Variants in DNAH3 observed in about 807,000 individuals in gnomAD.
DNAH3 encodes dynein axonemal heavy chain 3.
A neutral mutation model predicts 432.5 loss-of-function variants in DNAH3; 332 were observed. That is an observed-to-expected ratio of 0.77 (90% confidence interval 0.70 to 0.84). DNAH3 has a LOEUF of 0.84. DNAH3 is among the 40% of genes least tolerant of loss of function. The pLI, the probability that DNAH3 is intolerant of heterozygous loss-of-function variation, is 0.00. For synonymous variants in DNAH3, 1,956 were observed against 1,900.2 expected (o/e 1.03, Z -0.76); for missense variants, 4,861 against 5,114.0 (o/e 0.95, Z 1.51).
intron 56 of DNAH3, among the ~76,000 whole-genome samples, chr16:20,951,629 A>G (rs1295602076): frequency 6.6e-6 from 1 of 150,948 alleles, no homozygotes; most frequent in African/African-American, 2.4e-5. Flanking sequence ...TTTTTTGTAG[A>G]GATGGGATTT....
At chr16:20,942,074 A>C (rs1256538750) in intron 58 of DNAH3, among the ~76,000 whole-genome samples, 1 of 151,698 alleles carries the variant, frequency 6.6e-6, no homozygotes, top group African/African-American at 2.4e-5. Flanking sequence ...AAAGTTAAAA[A>C]AAAAAAAAAA....
At chr16:21,044,855 C>T (rs1382528855) in intron 31 of DNAH3, among the ~76,000 whole-genome samples, 1 of 116,720 alleles carries the variant, frequency 8.6e-6, no homozygotes, top group South Asian at 3.4e-4. Flanking sequence ...CCCATCAATA[C>T]CTAATTTATT....
At chr16:21,049,658 C>A in exon 31 of DNAH3, 1 of 1,614,204 alleles carries the variant, frequency 6.2e-7, no homozygotes, top group African/African-American at 1.3e-5. Flanking sequence ...TAATCCAAAC[C>A]ATCGGAGCAG....
intron 2 of DNAH3, among the ~76,000 whole-genome samples, chr16:21,145,765 C>T (rs1322314357): frequency 3.9e-5 from 6 of 152,170 alleles, no homozygotes; most frequent in Admixed American, 2.0e-4. Context: ...GATCAGTGGA[C>T]GGCCAGATTC....
chr16:21,016,865 C>T (rs1259995963), intron 41 of DNAH3, among the ~76,000 whole-genome samples: 6 of 152,240 alleles, frequency 3.9e-5, no homozygotes, highest in Non-Finnish European at 8.8e-5. Context: ...CATGGATGAA[C>T]GCCGAAGACA....
chr16:21,075,938 AAAG>A (rs1188315527), intron 20 of DNAH3, among the ~76,000 whole-genome samples: 11 of 150,736 alleles, frequency 7.3e-5, no homozygotes, highest in African/African-American at 2.4e-4. Flanking sequence ...AAAAAAAAAA[AAAG>A]GGAGGAATTT....
intron 43 of DNAH3, among the ~76,000 whole-genome samples, chr16:20,998,511 C>A (rs945792353): frequency 6.6e-6 from 1 of 152,110 alleles, no homozygotes; most frequent in Non-Finnish European, 1.5e-5. Flanking sequence ...CCTCAGCCTC[C>A]CAAAATGCTG....
At chr16:20,985,960 AT>A (rs1284332695) in intron 47 of DNAH3, among the ~76,000 whole-genome samples, 1 of 151,636 alleles carries the variant, frequency 6.6e-6, no homozygotes, top group Non-Finnish European at 1.5e-5. Context: ...GGTTCAAGCG[AT>A]TCTCCCGCCT....
chr16:21,066,097 A>T (rs1413629542), intron 24 of DNAH3, among the ~76,000 whole-genome samples: 1 of 151,604 alleles, frequency 6.6e-6, no homozygotes, highest in East Asian at 1.9e-4. Flanking sequence ...AAGTGCTGGG[A>T]TTACAGGCAT....
intron 59 of DNAH3, among the ~76,000 whole-genome samples, chr16:20,937,418 A>G (rs1280463049): frequency 6.6e-6 from 1 of 152,226 alleles, no homozygotes; most frequent in East Asian, 1.9e-4. Context: ...ATTGCTAGCA[A>G]AATTCATCCA....
At chr16:20,976,820 C>G (rs1305556965) in intron 50 of DNAH3, among the ~76,000 whole-genome samples, 4 of 152,204 alleles carry the variant, frequency 2.6e-5, no homozygotes, top group African/African-American at 9.7e-5. Context: ...CGTCTGCAAA[C>G]CAGGGAAAGA....
intron 24 of DNAH3, among the ~76,000 whole-genome samples, chr16:21,065,621 T>G (rs573350784): frequency 6.6e-6 from 1 of 152,174 alleles, no homozygotes; most frequent in African/African-American, 2.4e-5. Flanking sequence ...ATTAGCCCCA[T>G]GTGGCTATTT....
At chr16:20,940,222 C>T (rs2083751845) in intron 59 of DNAH3, among the ~76,000 whole-genome samples, 1 of 152,016 alleles carries the variant, frequency 6.6e-6, no homozygotes, top group Admixed American at 6.6e-5. Context: ...TTCTGAATCT[C>T]AGAGTTTTTT....
At chr16:20,981,505 G>A (rs889510397) in intron 49 of DNAH3, among the ~76,000 whole-genome samples, 5 of 152,044 alleles carry the variant, frequency 3.3e-5, no homozygotes, top group African/African-American at 1.2e-4. Flanking sequence ...AGGCCGAGGT[G>A]GGCAAATCAC....
chr16:21,026,946 G>A, intron 38 of DNAH3, 81 bp downstream of exon 38: 1 of 970,572 alleles, frequency 1.0e-6, no homozygotes, highest in South Asian at 1.4e-5. Flanking sequence ...CATCACATTT[G>A]TGAAATTTGA....
chr16:21,009,506 TA>T (rs2087476892), intron 41 of DNAH3, among the ~76,000 whole-genome samples: 1 of 152,196 alleles, frequency 6.6e-6, no homozygotes, highest in Non-Finnish European at 1.5e-5. Flanking sequence ...ACTGAATTGG[TA>T]AAATATTTTT....
exon 53 of DNAH3, chr16:20,964,773 A>T: frequency 6.2e-7 from 1 of 1,614,174 alleles, no homozygotes. Context: ...GACTGAAGTC[A>T]CTGAAGCCAG....
intron 18 of DNAH3, among the ~76,000 whole-genome samples, chr16:21,094,316 T>C (rs1212869449): frequency 6.6e-6 from 1 of 152,046 alleles, no homozygotes; most frequent in African/African-American, 2.4e-5. Flanking sequence ...CATTAGGCAT[T>C]GGGGAAATGC....
intron 25 of DNAH3, 118 bp from the exon 26 acceptor site, chr16:21,060,474 C>T (rs2090307587): frequency 4.6e-6 from 3 of 650,218 alleles, no homozygotes; most frequent in South Asian, 2.0e-5. Flanking sequence ...GGCTTGGCAC[C>T]TTTTCAAGTC....
Sources: allele counts gnomAD v4.1 joint callset (sites outside exome capture counted in the v4.1 genomes callset), GRCh38; gene constraint gnomAD v4.1.1; transcripts MANE v1.5; gene names NCBI Gene and HGNC (gene_info 2026-07-23, HGNC 2026-07-21).